The following SUN5 variants were observed in gnomAD, a reference collection of about 807,000 sequenced individuals.
SUN5 encodes the protein Sad1 and UNC84 domain containing 5.
Under a neutral mutation model 53.7 loss-of-function variants are expected in SUN5, and 44 were observed. That is an observed-to-expected ratio of 0.82 (90% CI 0.64 to 1.05). SUN5 has a LOEUF of 1.05. Among genes scored for constraint, SUN5 ranks in the 50% least tolerant of loss-of-function variants. The pLI is 0.00. For synonymous variants in SUN5, 166 were observed against 179.8 expected, an observed-to-expected ratio of 0.92 and a Z score of 0.62; for missense variants, 433 against 483.8, an observed-to-expected ratio of 0.90 and a Z score of 0.98.
At chr20:33,001,659 C>T (rs1440774646) in intron 3 of SUN5, among the ~76,000 whole-genome samples, 3 of 125,798 alleles carry the variant, frequency 2.4e-5, no homozygotes, top group Admixed American at 8.0e-5. Context: ...CCCTCCCTCC[C>T]TCCCTCCCTT....
chr20:33,003,105 AG>A (rs1990097583), intron 1 of SUN5, among the ~76,000 whole-genome samples, 186 bp from the exon 2 acceptor site: 1 of 152,176 alleles, frequency 6.6e-6, no homozygotes, highest in African/African-American at 2.4e-5. Flanking sequence ...ATCAAGGAAA[AG>A]ACCCAGGTTG....
intron 9 of SUN5, among the ~76,000 whole-genome samples, chr20:32,988,033 C>T (rs1051851125): frequency 3.3e-5 from 5 of 152,150 alleles, no homozygotes; most frequent in Non-Finnish European, 5.9e-5. Context: ...TCTTGGCTCA[C>T]GGCAACCTCT....
chr20:32,985,847 G>T lies in SUN5; in HGVS notation c.786C>A (p.Thr262=). ...WAFEGDRGQV[T]IQLAQKVYLS... The stretch of plus-strand genomic sequence containing the variant: ...GGTAAACCTTCTGAGCCAATTGGAT[G>T]GTCACCTGGCCGCGGTCACCCTCAA... Residue 262 remains threonine, a synonymous_variant, in exon 11 of 13, where the codon ACC becomes ACA. Transcript: ENST00000356173. 6.2e-7 allele frequency: 1 copy of T among 1,614,120 alleles called. No individual in the cohort carries two copies. The highest frequency in any genetic ancestry group is 8.5e-7 in the Non-Finnish European group (1 of 1,179,990).
intron 8 of SUN5, among the ~76,000 whole-genome samples, chr20:32,992,257 G>C (rs1217690744): frequency 6.6e-6 from 1 of 152,126 alleles, no homozygotes; most frequent in African/African-American, 2.4e-5. Flanking sequence ...GACATTGCTG[G>C]ATGTTCCCCA....
intron 10 of SUN5, among the ~76,000 whole-genome samples, chr20:32,987,189 G>C: frequency 6.6e-6 from 1 of 152,224 alleles, no homozygotes; most frequent in East Asian, 1.9e-4. Flanking sequence ...AAGAGCTCAG[G>C]TTTGAACTCT....
intron 5 of SUN5, among the ~76,000 whole-genome samples, chr20:32,999,239 T>C (rs750434739): frequency 1.1e-4 from 17 of 152,192 alleles, no homozygotes; most frequent in Non-Finnish European, 4.4e-5. Flanking sequence ...TATTTCTATA[T>C]ACTAGCAATA....
chr20:32,994,061 T>C lies in SUN5; in HGVS notation c.534+1558A>G, dbSNP rs748616929. On this transcript the variant is annotated intron_variant, in intron 8 of 12. Coordinates refer to ENST00000356173, the MANE Select transcript of SUN5 (RefSeq NM_080675.4). ...GTTCATGCAGGGGTGAGAGACACAT[T>C]TGGAGACTTGTGAGGCCTCAAACAT... Among the ~76,000 whole-genome samples the C allele has an allele frequency of 9.9e-5, 15 of 152,184 alleles. 1 individual carries two copies. Among genetic ancestry groups the C allele is most frequent in the Non-Finnish European group, 1.5e-4 (10 of 68,022 alleles).
At chr20:32,990,027 T>C (rs1989670772) in intron 8 of SUN5, among the ~76,000 whole-genome samples, 1 of 152,166 alleles carries the variant, frequency 6.6e-6, no homozygotes, top group African/African-American at 2.4e-5. Flanking sequence ...CCTCTGAGTC[T>C]CGATATTCTC....
intron 6 of SUN5, among the ~76,000 whole-genome samples, chr20:32,996,623 C>A (rs1486235326): frequency 9.4e-6 from 1 of 106,480 alleles, no homozygotes; most frequent in African/African-American, 3.7e-5. Flanking sequence ...TCCATCTGTT[C>A]TTCCAACTCC....
chr20:32,987,586 C>A, intron 10 of SUN5, 74 bp downstream of exon 10: 2 of 909,968 alleles, frequency 2.2e-6, no homozygotes, highest in Non-Finnish European at 3.1e-6. Flanking sequence ...CCTACCTCTT[C>A]TGCCAGCTCC....
chr20:32,992,987 C>T (rs750080057), intron 8 of SUN5, among the ~76,000 whole-genome samples: 2 of 152,300 alleles, frequency 1.3e-5, no homozygotes, highest in Non-Finnish European at 2.9e-5. Flanking sequence ...TTGGCAGCAT[C>T]TAATAACATG....
At chr20:32,989,975 G>A (rs1002971464) in intron 8 of SUN5, among the ~76,000 whole-genome samples, 7 of 152,134 alleles carry the variant, frequency 4.6e-5, no homozygotes, top group African/African-American at 1.7e-4. Flanking sequence ...TCTGACGTCA[G>A]GCCAACTTTT....
intron 12 of SUN5, among the ~76,000 whole-genome samples, chr20:32,984,300 A>C (rs1989475684): frequency 6.6e-6 from 1 of 152,060 alleles, no homozygotes; most frequent in Admixed American, 6.5e-5. Context: ...GGTGGGCATG[A>C]AATGAGATTT....
chr20:33,000,164 C>G, intron 4 of SUN5, 29 bp from the exon 5 acceptor site: 1 of 1,586,252 alleles, frequency 6.3e-7, no homozygotes, highest in Non-Finnish European at 8.6e-7. Context: ...TGGTCAAGAT[C>G]AGGTGGGCAA....
intron 5 of SUN5, among the ~76,000 whole-genome samples, chr20:32,997,994 C>T (rs575849849): frequency 6.6e-6 from 1 of 152,094 alleles, no homozygotes; most frequent in African/African-American, 2.4e-5. Context: ...AGAAGGCGCT[C>T]TGCATTTTAT....
At chr20:32,999,766 T>C in intron 5 of SUN5, 1 of 729,352 alleles carries the variant, frequency 1.4e-6, no homozygotes, top group Non-Finnish European at 2.2e-6. Flanking sequence ...TTCCTTTGCT[T>C]GGGAAAGCTA....
intron 4 of SUN5, 146 bp downstream of exon 4, chr20:33,001,066 G>T: frequency 2.4e-6 from 2 of 837,772 alleles, no homozygotes; most frequent in Non-Finnish European, 3.8e-6. Context: ...GGGTTCTGGG[G>T]TGGGAGTGTT....
intron 5 of SUN5, among the ~76,000 whole-genome samples, chr20:32,998,175 CAAAAAAAAA>C (rs35729664): frequency 2.7e-4 from 16 of 59,720 alleles, no homozygotes; most frequent in East Asian, 5.4e-4. Context: ...CCCATCTCTA[CAAAAAAAAA>C]AAAAAAAAAA....
chr20:33,001,281 G>A lies in SUN5; in HGVS notation c.212-3C>T, dbSNP rs1990000923. ...GCAGGCAAAACAGGTGAACCAGGCT[G>A]CACGGGAGACAGAAAAGCAGTGACT... On this transcript the variant is annotated splice_polypyrimidine_tract_variant and splice_region_variant and intron_variant, in intron 3 of 12. Transcript: ENST00000356173. 6.4e-7 allele frequency: 1 copy of A among 1,571,066 alleles called. No individual in the cohort carries two copies. The highest frequency in any genetic ancestry group is 8.7e-7 in the Non-Finnish European group (1 of 1,155,758).
Sources: allele counts gnomAD v4.1 joint callset (sites outside exome capture counted in the v4.1 genomes callset), GRCh38; gene constraint gnomAD v4.1.1; transcripts MANE v1.5; gene names NCBI Gene and HGNC (gene_info 2026-07-23, HGNC 2026-07-21).